Variants in ZNF10 observed in about 807,000 individuals in gnomAD.
ZNF10 encodes the protein zinc finger protein 10, also known as zinc finger protein 10 (KOX 1).
In ZNF10, 8 loss-of-function variants were observed where a neutral mutation model predicts 12.2. The ratio of observed to expected loss-of-function variants is 0.66; its 90% confidence interval spans 0.39 to 1.18. The LOEUF (loss-of-function observed/expected upper bound fraction) is 1.18, where lower values mean the gene tolerates loss of function less well. Ranked by LOEUF, ZNF10 falls within the 50% of genes most tolerant of loss-of-function variation. ZNF10 has a pLI of 0.01. For missense variants in ZNF10, 603 were observed against 678.9 expected, an observed-to-expected ratio of 0.89 and a Z score of 1.24; for synonymous variants, 229 against 228.2, an observed-to-expected ratio of 1.00 and a Z score of -0.03.
At chr12:133,153,718 C>G (rs1011494041) in intron 4 of ZNF10, among the ~76,000 whole-genome samples, 2 of 152,090 alleles carry the variant, frequency 1.3e-5, no homozygotes, top group African/African-American at 4.8e-5. Context: ...GTATTAGTTT[C>G]CTGGGGCTGC....
chr12:133,151,772 G>T, intron 3 of ZNF10, 37 bp from the exon 4 acceptor site: 1 of 1,575,138 alleles, frequency 6.3e-7, no homozygotes, highest in South Asian at 1.1e-5. Flanking sequence ...GAGCTCCCCT[G>T]ACTCTTACCC....
Position 133,151,035 on chromosome 12 carries a change from T to C in ZNF10, c.41T>C (p.Val14Ala). ...KSLTAWSRTLVTFKDVFVDFT... is the reference protein window; with the variant it reads ...KSLTAWSRTLATFKDVFVDFT... ...ATGTGTTTGATGTTGTAGACACTGG[T>C]GACCTTCAAGGATGTATTTGTGGAC... Residue 14 changes from valine (V) to alanine (A), a missense_variant, in exon 3 of 5, where the codon GTG becomes GCG. This residue lies in a region of ZNF10 where 393 missense variants were observed against 399.7 expected (regional missense o/e 0.98). Coordinates refer to ENST00000248211, the MANE Select transcript of ZNF10 (RefSeq NM_015394.5). 1 of 1,612,528 alleles carries C rather than the reference T, an allele frequency of 6.2e-7. No homozygotes were observed. The highest frequency in any genetic ancestry group is 8.5e-7 in the Non-Finnish European group (1 of 1,178,898).
At chr12:133,138,334 T>A (rs984935251) in intron 1 of ZNF10, among the ~76,000 whole-genome samples, 24 of 151,290 alleles carry the variant, frequency 1.6e-4, no homozygotes, top group Non-Finnish European at 3.2e-4. Flanking sequence ...GTTTTTTTTT[T>A]AATGAGATCC....
chr12:133,150,744 C>T (rs796785275), intron 2 of ZNF10, among the ~76,000 whole-genome samples: 37 of 152,146 alleles, frequency 2.4e-4, no homozygotes, highest in African/African-American at 8.2e-4. Context: ...GGATGATTCC[C>T]CCTGCCATAG....
intron 2 of ZNF10, among the ~76,000 whole-genome samples, chr12:133,148,567 T>C (rs1955989152): frequency 6.6e-6 from 1 of 152,236 alleles, no homozygotes; most frequent in South Asian, 2.1e-4. Context: ...TTTTTGCAGA[T>C]TGACACATTT....
At chr12:133,139,712 T>C (rs1443143527) in intron 1 of ZNF10, among the ~76,000 whole-genome samples, 1 of 152,034 alleles carries the variant, frequency 6.6e-6, no homozygotes, top group Non-Finnish European at 1.5e-5. Context: ...ATTTATAGGT[T>C]GTGGTGACTG....
intron 1 of ZNF10, among the ~76,000 whole-genome samples, chr12:133,137,228 T>G (rs11147251): frequency 0.33 from 50,521 of 151,870 alleles, 8,798 homozygotes; most frequent in African/African-American, 0.39. Context: ...TGGTTTTTTT[T>G]GGGGCTACTA....
chr12:133,147,325 T>C (rs1955982160), intron 2 of ZNF10, among the ~76,000 whole-genome samples: 1 of 152,248 alleles, frequency 6.6e-6, no homozygotes, highest in Non-Finnish European at 1.5e-5. Context: ...ATGAAAAATA[T>C]GCAAATTTTC....
intron 2 of ZNF10, among the ~76,000 whole-genome samples, chr12:133,147,971 C>T (rs970341419): frequency 3.3e-5 from 5 of 151,808 alleles, no homozygotes; most frequent in Non-Finnish European, 5.9e-5. Flanking sequence ...TTCTCTGTAC[C>T]TTATATGTAC....
chr12:133,140,588 T>C (rs1955939778), intron 1 of ZNF10, among the ~76,000 whole-genome samples: 1 of 152,092 alleles, frequency 6.6e-6, no homozygotes, highest in African/African-American at 2.4e-5. Context: ...TTTGTCTGTT[T>C]TGTTGTTGTT....
chr12:133,149,329 A>G (rs1342308545), intron 2 of ZNF10, among the ~76,000 whole-genome samples: 1 of 146,212 alleles, frequency 6.8e-6, no homozygotes, highest in Non-Finnish European at 1.5e-5. Context: ...CCAGGGCTCA[A>G]GGGCTTGTGG....
intron 2 of ZNF10, among the ~76,000 whole-genome samples, chr12:133,145,463 G>T (rs527826024): frequency 2.0e-5 from 3 of 152,288 alleles, no homozygotes; most frequent in African/African-American, 7.2e-5. Context: ...GTATTTTACA[G>T]CTAAGAGAAC....
At chr12:133,151,327 A>C (rs1461661070) in intron 3 of ZNF10, among the ~76,000 whole-genome samples, 173 bp downstream of exon 3, 2 of 152,138 alleles carry the variant, frequency 1.3e-5, no homozygotes, top group Non-Finnish European at 2.9e-5. Flanking sequence ...GTTTTAATGT[A>C]TTGAAGTTTT....
Position 133,156,620 on chromosome 12 carries a change from GAA to G in ZNF10, c.1376_1377del (p.Lys459ThrfsTer3). ...CACATCAAAGAACCCACACTGGAGA[GAA>G]ACCATATGAGTGTCATGATTGTGGA... ...YSHQRTHTGE[K>X]PYECHDCGKS... is the part of the protein sequence containing the mutation. On this transcript the variant is annotated frameshift_variant, in exon 5 of 5. Coordinates refer to ENST00000248211, the MANE Select transcript of ZNF10 (RefSeq NM_015394.5). LOFTEE classifies it low-confidence loss of function (END_TRUNC). The G allele has an allele frequency of 6.2e-7, 1 of 1,614,086 alleles. No individual in the cohort carries two copies.
At chr12:133,151,240 T>G in intron 3 of ZNF10, 86 bp downstream of exon 3, 1 of 1,344,062 alleles carries the variant, frequency 7.4e-7, no homozygotes, top group Non-Finnish European at 9.9e-7. Context: ...CACCAGAGTA[T>G]AGGCTTGGCG....
chr12:133,151,710 C>A, intron 3 of ZNF10, 99 bp from the exon 4 acceptor site: 1 of 785,336 alleles, frequency 1.3e-6, no homozygotes, highest in Non-Finnish European at 2.1e-6. Flanking sequence ...GCCAGTCCTG[C>A]AGAGGGTTGG....
At chr12:133,150,448 T>C (rs1956000186) in intron 2 of ZNF10, among the ~76,000 whole-genome samples, 2 of 152,142 alleles carry the variant, frequency 1.3e-5, no homozygotes, top group Admixed American at 1.3e-4. Flanking sequence ...CTCAAATAGG[T>C]TTTTCTCTAG....
At chr12:133,135,677 G>C (rs1289172999) in intron 1 of ZNF10, among the ~76,000 whole-genome samples, 1 of 152,124 alleles carries the variant, frequency 6.6e-6, no homozygotes, top group African/African-American at 2.4e-5. Context: ...TCTTCTTGGA[G>C]GTTCTCCTCA....
rs762836597 is a variant in ZNF10, at chr12:133,156,405, A to G, written c.1159A>G (p.Arg387Gly). The G allele has an allele frequency of 5.0e-6, 8 of 1,613,876 alleles. No individual in the cohort carries two copies. The highest frequency in any genetic ancestry group is 8.5e-7 in the Non-Finnish European group (1 of 1,179,934). The change falls in exon 5 of 5, where the codon AGA becomes GGA. Residue 387 changes from arginine to glycine, a missense_variant. Coordinates refer to ENST00000248211, the MANE Select transcript of ZNF10 (RefSeq NM_015394.5). Reference sequence around the variant, plus strand: ...ATGTCCTGAATGTGGGAAATCTTTCAGACAGAGCACACATCTCATTCTGCA... The same window carrying G: ...ATGTCCTGAATGTGGGAAATCTTTCGGACAGAGCACACATCTCATTCTGCA... ...YECPECGKSF[R>G]QSTHLILHQR...
Sources: allele counts gnomAD v4.1 joint callset (sites outside exome capture counted in the v4.1 genomes callset), GRCh38; gene constraint gnomAD v4.1.1; regional missense constraint gnomAD v4.1.1; transcripts MANE v1.5; gene names NCBI Gene and HGNC (gene_info 2026-07-23, HGNC 2026-07-21).